Variants in AAAS observed in about 807,000 individuals in gnomAD.
AAAS encodes aladin.
Under a neutral mutation model 75.6 loss-of-function variants are expected in AAAS, and 60 were observed. The observed-to-expected ratio is 0.79, with a 90% CI of 0.64 to 0.98. The LOEUF (loss-of-function observed/expected upper bound fraction) is 0.98, where lower values mean the gene tolerates loss of function less well. Among genes scored for constraint, AAAS ranks in the 50% least tolerant of loss-of-function variants. The probability of loss-of-function intolerance (pLI) is 0.00; values close to 1 mark genes in which losing one functional copy is unlikely to be tolerated. For missense variants in AAAS, 658 were observed against 686.9 expected, an observed-to-expected ratio of 0.96 and a Z score of 0.47; for synonymous variants, 271 against 265.0, an observed-to-expected ratio of 1.02 and a Z score of -0.22.
chr12:53,315,931 C>T lies in AAAS; in HGVS notation c.252-149G>A, dbSNP rs1348305989. 1.8e-5 allele frequency: 15 copies of T among 844,952 alleles called. No individual in the cohort carries two copies. In the South Asian group the frequency reaches 1.9e-4, roughly 11 times the overall value. 52.3% of individuals were successfully genotyped at this position (844,952 alleles called of 1,614,324 possible). A position where few individuals can be genotyped will look rare whatever the true frequency, so the allele number is the denominator to read the frequency against. On this transcript the variant is annotated intron_variant, in intron 2 of 15. Coordinates refer to ENST00000209873, the MANE Select transcript of AAAS (RefSeq NM_015665.6). The stretch of plus-strand genomic sequence containing the variant: ...TGTACCAGGCACTCTACGGGCTGTC[C>T]TTTCATTTACATATCTCACAAATCT...
At chr12:53,320,713 G>A (rs751023665) in intron 1 of AAAS, 21 bp from the exon 2 acceptor site, 99 of 1,613,088 alleles carry the variant, frequency 6.1e-5, no homozygotes, top group Non-Finnish European at 8.0e-5. Flanking sequence ...AAAGTGAGGA[G>A]TGTGACGGTG....
intron 2 of AAAS, among the ~76,000 whole-genome samples, chr12:53,317,154 G>T (rs1944474915): frequency 1.3e-5 from 2 of 151,254 alleles, no homozygotes; most frequent in Non-Finnish European, 2.9e-5. Flanking sequence ...GCCGGGTGCG[G>T]TGGCTCACAC....
chr12:53,311,108 GTTTT>G (rs994583075), intron 7 of AAAS, among the ~76,000 whole-genome samples: 1 of 151,792 alleles, frequency 6.6e-6, no homozygotes, highest in Non-Finnish European at 1.5e-5. Context: ...CGCCCAGCTA[GTTTT>G]TTTATTTTTA....
Position 53,307,478 on chromosome 12 carries a change from CTT to C in AAAS, c.*9_*10del. On this transcript the variant is annotated 3_prime_UTR_variant, in exon 16 of 16. Coordinates refer to ENST00000209873, the MANE Select transcript of AAAS (RefSeq NM_015665.6). Reference sequence around the variant, plus strand: ...AACTGAGTGGAAAACAAAAGGAAAACTTATTTATTCTTAGAGGTGGGAATGTG... The same window carrying C: ...AACTGAGTGGAAAACAAAAGGAAAACATTTATTCTTAGAGGTGGGAATGTG... 1 of 1,606,936 alleles carries C rather than the reference CTT, an allele frequency of 6.2e-7. No individual in the cohort carries two copies. Among genetic ancestry groups the C allele is most frequent in the Non-Finnish European group, 8.5e-7 (1 of 1,175,000 alleles).
chr12:53,320,236 G>A (rs1944532658), intron 2 of AAAS, among the ~76,000 whole-genome samples: 1 of 152,206 alleles, frequency 6.6e-6, no homozygotes, highest in South Asian at 2.1e-4. Context: ...CTGAGCTTCA[G>A]GTAAAAGCTC....
rs886049650 is a variant in AAAS at position 53,314,324 on chromosome 12, G to C, written c.663C>G (p.Thr221=). ...VACQSCILIW[T]LDPTSLSTRP... Reference sequence around the variant, plus strand: ...GGGTAGACAAGGAGGTAGGGTCCAGGGTCCAGATAAGAATGCAGCTCTGGC... The same window carrying C: ...GGGTAGACAAGGAGGTAGGGTCCAGCGTCCAGATAAGAATGCAGCTCTGGC... Residue 221 remains threonine (T), a synonymous_variant, in exon 7 of 16, where the codon ACC becomes ACG. Coordinates refer to ENST00000209873, the MANE Select transcript of AAAS (RefSeq NM_015665.6). 1.9e-6 allele frequency: 3 copies of C among 1,614,034 alleles called. No homozygotes were observed. Among genetic ancestry groups the C allele is most frequent in the Admixed American group, 1.7e-5 (1 of 59,992 alleles).
rs2121082201 is a variant in AAAS, at chr12:53,308,109, TTACCATCCTG to T, written c.1264_1273del (p.Gln422AsnfsTer126). 1 of 1,614,184 alleles carries T rather than the reference TTACCATCCTG, an allele frequency of 6.2e-7. No individual in the cohort carries two copies. Among genetic ancestry groups the T allele is most frequent in the Non-Finnish European group, 8.5e-7 (1 of 1,180,022 alleles). ...AGTGCGAAAAAGGAGGATGACTGGT[TTACCATCCTG>T]TACCCTTGGCTTTCCTGTAAGAAAT... On this transcript the variant is annotated frameshift_variant, in exon 14 of 16. Transcript: ENST00000209873. LOFTEE classifies it high-confidence loss of function.
At position 53,308,975 on chromosome 12, in the gene AAAS, T is replaced by C. The variant is rs1174765635; in HGVS notation, c.981A>G (p.Leu327=). The C allele has an allele frequency of 4.3e-6, 7 of 1,614,078 alleles. No individual in the cohort carries two copies. Among genetic ancestry groups the C allele is most frequent in the Admixed American group, 1.7e-5 (1 of 60,000 alleles). The change falls in exon 10 of 16, where the codon CTA becomes CTG. Residue 327 remains leucine (L), a synonymous_variant. Coordinates refer to ENST00000209873, the MANE Select transcript of AAAS (RefSeq NM_015665.6). The part of the protein sequence containing the change: ...QMWTCERWPT[L]SGRCQTGCWS... ...CCCCTCTTACCTGACAGCGCCCTGATAGAGTAGGCCACCTCTCACAAGTCC... is the reference window on the plus strand; with the variant it reads ...CCCCTCTTACCTGACAGCGCCCTGACAGAGTAGGCCACCTCTCACAAGTCC...
intron 2 of AAAS, among the ~76,000 whole-genome samples, chr12:53,318,247 T>C (rs868118341): frequency 0.018 from 2,211 of 123,280 alleles, 45 homozygotes; most frequent in African/African-American, 0.073. Context: ...TGTGTGTGCG[T>C]GTGTGTGTGT....
intron 7 of AAAS, 74 bp downstream of exon 7, chr12:53,314,224 G>T: frequency 6.3e-7 from 1 of 1,598,524 alleles, no homozygotes; most frequent in South Asian, 1.1e-5. Context: ...TCTCCTTTCA[G>T]ACGTCCTCAC....
At chr12:53,315,221 A>T in intron 4 of AAAS, 81 bp from the exon 5 acceptor site, 1 of 1,596,566 alleles carries the variant, frequency 6.3e-7, no homozygotes, top group Non-Finnish European at 8.6e-7. Flanking sequence ...GAGCTGGACC[A>T]CTCCTACCCT....
At chr12:53,308,199 G>A (rs1439815036) in intron 13 of AAAS, 66 bp from the exon 14 acceptor site, 28 of 1,611,444 alleles carry the variant, frequency 1.7e-5, no homozygotes, top group Non-Finnish European at 2.4e-5. Flanking sequence ...CATGGGCAGA[G>A]GAGAACTCCA....
chr12:53,318,402 G>A (rs1371708692), intron 2 of AAAS, among the ~76,000 whole-genome samples: 2 of 152,014 alleles, frequency 1.3e-5, no homozygotes, highest in Admixed American at 6.6e-5. Context: ...GATTACACAC[G>A]GAGTTTCACC....
chr12:53,312,013 A>G (rs984754426), intron 7 of AAAS, among the ~76,000 whole-genome samples: 1 of 152,140 alleles, frequency 6.6e-6, no homozygotes, highest in African/African-American at 2.4e-5. Context: ...AAAATAAATC[A>G]GGAAGATCCT....
Position 53,309,310 on chromosome 12 carries a change from A to G in AAAS, c.811-29T>C, listed in dbSNP as rs879241808. On this transcript the variant is annotated intron_variant, in intron 8 of 15. Transcript: ENST00000209873. ...GGAGAGTGGGGCAGGAGATAAGGGA[A>G]AACTCAAGCACCCCATCATCTCACA... The G allele has an allele frequency of 8.1e-6, 13 of 1,612,512 alleles. No individual in the cohort carries two copies. The South Asian group carries it at 9.9e-5, about 12-fold the overall frequency.
At chr12:53,313,877 G>T (rs1234994630) in intron 7 of AAAS, among the ~76,000 whole-genome samples, 1 of 152,134 alleles carries the variant, frequency 6.6e-6, no homozygotes, top group Non-Finnish European at 1.5e-5. Context: ...CCAAAGTGTT[G>T]GAATTACAGG....
Position 53,309,775 on chromosome 12 carries a change from A to G in AAAS, c.690-54T>C. 5 of 1,599,570 alleles carry G rather than the reference A, an allele frequency of 3.1e-6. 1 individual carries two copies. In the South Asian group the frequency reaches 4.5e-5, roughly 14 times the overall value. ...CAGAAGATGACAAGAAGCCATCCCC[A>G]AAATTCTATTTCTTTGCCTCCTGCT... is the stretch of plus-strand genomic sequence containing the variant. On this transcript the variant is annotated intron_variant, in intron 7 of 15. Coordinates refer to ENST00000209873, the MANE Select transcript of AAAS (RefSeq NM_015665.6).
chr12:53,309,432 G>T, intron 8 of AAAS, 151 bp from the exon 9 acceptor site: 1 of 1,515,936 alleles, frequency 6.6e-7, no homozygotes, highest in Non-Finnish European at 9.0e-7. Flanking sequence ...GACAATTACA[G>T]ACAGCGGAAT....
At position 53,320,696 on chromosome 12, in the gene AAAS, T is replaced by C. The variant is rs886049651; in HGVS notation, c.124-4A>G. The C allele has an allele frequency of 4.2e-5, 68 of 1,614,052 alleles. No homozygotes were observed. The highest frequency in any genetic ancestry group is 5.7e-5 in the Non-Finnish European group (67 of 1,179,942). On this transcript the variant is annotated splice_polypyrimidine_tract_variant and splice_region_variant and intron_variant, in intron 1 of 15. Coordinates refer to ENST00000209873, the MANE Select transcript of AAAS (RefSeq NM_015665.6). ...GTAGGACAGGAAGATTGATCCACTA[T>C]AGCACAAAAGTGAGGAGTGTGACGG...
Sources: allele counts gnomAD v4.1 joint callset (sites outside exome capture counted in the v4.1 genomes callset), GRCh38; gene constraint gnomAD v4.1.1; transcripts MANE v1.5; gene names NCBI Gene and HGNC (gene_info 2026-07-23, HGNC 2026-07-21).